The following TERB1 variants were observed in gnomAD, a reference collection of about 807,000 sequenced individuals.
TERB1 encodes telomere repeats-binding bouquet formation protein 1.
In TERB1, 63 loss-of-function variants were observed where a neutral mutation model predicts 92.3. That is an observed-to-expected ratio of 0.68 (90% CI 0.56 to 0.84). The LOEUF (loss-of-function observed/expected upper bound fraction) is 0.84. Ranked by LOEUF, TERB1 falls within the 40% of genes least tolerant of loss-of-function variation. The pLI, the probability that TERB1 is intolerant of heterozygous loss-of-function variation, is 0.00. For missense variants in TERB1, 709 were observed against 843.7 expected (o/e 0.84, Z 1.98); for synonymous variants, 252 against 283.9 (o/e 0.89, Z 1.13).
At chr16:66,757,517 A>T (rs1305375317) in intron 18 of TERB1, among the ~76,000 whole-genome samples, 1 of 152,214 alleles carries the variant, frequency 6.6e-6, no homozygotes, top group East Asian at 1.9e-4. Context: ...AACAATTACT[A>T]TAGAAAACAT....
chr16:66,768,920 A>G (rs1293271020), intron 14 of TERB1, among the ~76,000 whole-genome samples: 1 of 152,110 alleles, frequency 6.6e-6, no homozygotes, highest in African/African-American at 2.4e-5. Context: ...CCTGACCAAC[A>G]TGGAGAAACT....
chr16:66,770,890 A>G (rs4783733), intron 13 of TERB1, among the ~76,000 whole-genome samples: 76,833 of 151,706 alleles, frequency 0.51, 20,329 homozygotes, highest in African/African-American at 0.64. Context: ...TTGCTCTGTT[A>G]CCCACACTGG....
intron 9 of TERB1, among the ~76,000 whole-genome samples, chr16:66,781,355 C>A (rs1477224112): frequency 1.3e-5 from 2 of 152,172 alleles, no homozygotes; most frequent in African/African-American, 4.8e-5. Context: ...CCATGCCCAG[C>A]CAATCTTAAA....
At chr16:66,798,394 C>T (rs2145270833) in intron 2 of TERB1, among the ~76,000 whole-genome samples, 1 of 152,202 alleles carries the variant, frequency 6.6e-6, no homozygotes, top group South Asian at 2.1e-4. Flanking sequence ...GTTGCCCAGA[C>T]TGGTCTTGAA....
In TERB1 at chr16:66,794,252, ACCACG is replaced by A. The variant is rs1445372939; in HGVS notation, c.31+2511_31+2515del. On this transcript the variant is annotated intron_variant, in intron 3 of 18. Coordinates refer to ENST00000433154, the MANE Select transcript of TERB1 (RefSeq NM_001136505.2). Reference sequence around the variant, plus strand: ...GTAGCCGGGAATACACGCACATGCCACCACGCCTGGCTAATTTTTATATTTTTTGT... The same window carrying A: ...GTAGCCGGGAATACACGCACATGCCACCTGGCTAATTTTTATATTTTTTGT... Among the ~76,000 whole-genome samples, 7 of 152,044 alleles carry A rather than the reference ACCACG, an allele frequency of 4.6e-5. No individual in the cohort carries two copies. The South Asian group carries it at 1.0e-3, about 23-fold the overall frequency.
Position 66,792,738 on chromosome 16 carries a change from C to T in TERB1, c.32-1719G>A, listed in dbSNP as rs1347867801. ...TTACACATCTAGGTTGTATGGACAG[C>T]TATTGCTCCTAGGCTATAAACCTAC... On this transcript the variant is annotated intron_variant, in intron 3 of 18. Transcript: ENST00000433154. Among the ~76,000 whole-genome samples, 7 of 152,256 alleles carry T rather than the reference C, an allele frequency of 4.6e-5. No individual in the cohort carries two copies. In the East Asian group the frequency reaches 1.3e-3, roughly 29 times the overall value.
chr16:66,798,168 T>A (rs754460693), intron 2 of TERB1, among the ~76,000 whole-genome samples: 1 of 143,698 alleles, frequency 7.0e-6, no homozygotes, highest in African/African-American at 2.6e-5. Flanking sequence ...AATGTACAAG[T>A]ATATTATTTT....
rs137915805 is a variant in TERB1 at position 66,791,723 on chromosome 16, A to G, written c.32-704T>C. Among the ~76,000 whole-genome samples, 72 of 152,266 alleles carry G rather than the reference A, an allele frequency of 4.7e-4. No individual in the cohort carries two copies. In the East Asian group the frequency reaches 0.014, roughly 29 times the overall value. On this transcript the variant is annotated intron_variant, in intron 3 of 18. Transcript: ENST00000433154. ...GATTGAACAACTTAGGTGAAATGAC[A>G]TCACCAAAACTCACCCAAGAAGAAA... is the stretch of plus-strand genomic sequence containing the variant.
chr16:66,770,345 T>C (rs779972762), intron 13 of TERB1, 36 bp from the exon 14 acceptor site: 16 of 1,308,448 alleles, frequency 1.2e-5, no homozygotes, highest in Non-Finnish European at 1.7e-5. Context: ...TTCAATATAA[T>C]CCATTCCCTT....
rs949119636 is a variant in TERB1, at chr16:66,783,811, A to T, written c.700+1975T>A. On this transcript the variant is annotated intron_variant, in intron 9 of 18. Coordinates refer to ENST00000433154, the MANE Select transcript of TERB1 (RefSeq NM_001136505.2). ...CTCAGGTATGATAATAGCACACTAT[A>T]CCCTTGAACTTCTAGACTCAAGTGA... is the stretch of plus-strand genomic sequence containing the variant. Among the ~76,000 whole-genome samples, 4 of 152,272 alleles carry T rather than the reference A, an allele frequency of 2.6e-5. No homozygotes were observed. In the East Asian group the frequency reaches 7.7e-4, roughly 29 times the overall value.
At chr16:66,761,104 C>A (rs1597008074) in intron 16 of TERB1, among the ~76,000 whole-genome samples, 1 of 108,374 alleles carries the variant, frequency 9.2e-6, no homozygotes, top group African/African-American at 3.5e-5. Context: ...AGCGAGACTC[C>A]ACCTCAAAAA....
intron 5 of TERB1, among the ~76,000 whole-genome samples, chr16:66,789,177 T>C (rs1035491188): frequency 4.6e-5 from 7 of 152,106 alleles, no homozygotes; most frequent in African/African-American, 1.7e-4. Context: ...CTTCAGTGGA[T>C]GGAAACCCCA....
chr16:66,800,693 T>C (rs1959252730), intron 2 of TERB1, among the ~76,000 whole-genome samples: 1 of 152,132 alleles, frequency 6.6e-6, no homozygotes, highest in African/African-American at 2.4e-5. Context: ...TAATTATATA[T>C]AGCGAAAATA....
At chr16:66,760,124 C>T (rs1476928213) in intron 16 of TERB1, among the ~76,000 whole-genome samples, 1 of 62,950 alleles carries the variant, frequency 1.6e-5, no homozygotes, top group Non-Finnish European at 2.7e-5. Flanking sequence ...GAGCGAGACT[C>T]CATCTCAAAA....
At chr16:66,795,441 C>T (rs573507896) in intron 3 of TERB1, among the ~76,000 whole-genome samples, 1 of 152,278 alleles carries the variant, frequency 6.6e-6, no homozygotes, top group South Asian at 2.1e-4. Context: ...CTTCTTTTTC[C>T]TATCTCATTT....
chr16:66,781,938 T>TA (rs1353396445), intron 9 of TERB1, among the ~76,000 whole-genome samples: 5 of 152,202 alleles, frequency 3.3e-5, no homozygotes, highest in Non-Finnish European at 2.9e-5. Flanking sequence ...AATTTATCAT[T>TA]TTTTCTTTAG....
intron 6 of TERB1, among the ~76,000 whole-genome samples, chr16:66,787,659 C>A (rs942505011): frequency 6.6e-6 from 1 of 152,168 alleles, no homozygotes; most frequent in East Asian, 1.9e-4. Flanking sequence ...CATTAAATGC[C>A]TCTCTTTTTC....
rs766633953 is a variant in TERB1, at chr16:66,767,439, C to T, written c.1756G>A (p.Glu586Lys). Residue 586 changes from glutamate to lysine, a missense_variant, in exon 16 of 19, where the codon GAA becomes AAA. Glu to Lys is a moderately conservative substitution (Grantham distance 56). Transcript: ENST00000433154. ...CCTGAGCACCTATACGTCAACATTT[C>T]GGAACAACTGGGAGTTGCTAGAAAA... ...VSFLATPSCSEMLTYRCSGCI... is the reference protein window; with the variant it reads ...VSFLATPSCSKMLTYRCSGCI... 45 of 1,528,324 alleles carry T rather than the reference C, an allele frequency of 2.9e-5. No individual in the cohort carries two copies. Among genetic ancestry groups the T allele is most frequent in the Admixed American group, 1.3e-4 (6 of 46,716 alleles). 94.7% of individuals were successfully genotyped at this position (1,528,324 alleles called of 1,614,324 possible). A position where few individuals can be genotyped will look rare whatever the true frequency, so the allele number is the denominator to read the frequency against.
At chr16:66,787,733 A>C (rs547470897) in intron 6 of TERB1, among the ~76,000 whole-genome samples, 48 of 152,360 alleles carry the variant, frequency 3.2e-4, no homozygotes, top group African/African-American at 1.0e-3. Context: ...AAAATTAATA[A>C]GTATTGAATG....
Sources: gnomAD v4.1 joint callset for allele counts (sites outside exome capture counted in the v4.1 genomes callset) on GRCh38, gnomAD v4.1.1 for gene constraint, MANE v1.5 for transcripts, NCBI Gene and HGNC (gene_info 2026-07-23, HGNC 2026-07-21) for gene names.